The following XDH variants were observed in gnomAD, a reference collection of about 807,000 sequenced individuals.
XDH encodes xanthine dehydrogenase/oxidase.
XDH carries 138 observed loss-of-function variants against 156.1 expected under a neutral mutation model. The ratio of observed to expected loss-of-function variants is 0.88; its 90% CI spans 0.77 to 1.02. The LOEUF (loss-of-function observed/expected upper bound fraction) is 1.02, where lower values mean the gene tolerates loss of function less well. Ranked by LOEUF, XDH falls within the 50% of genes least tolerant of loss-of-function variation. The pLI, the probability that XDH is intolerant of heterozygous loss-of-function variation, is 0.00. For missense variants in XDH, 1,849 were observed against 1,684.9 expected (o/e 1.10, Z -1.71); for synonymous variants, 669 against 625.7 (o/e 1.07, Z -1.03).
At position 31,366,116 on chromosome 2, in the gene XDH, G is replaced by T. The variant is rs184028363; in HGVS notation, c.2323-7C>A. The T allele has an allele frequency of 6.2e-7, 1 of 1,614,236 alleles. No homozygotes were observed. The highest frequency in any genetic ancestry group is 8.5e-7 in the Non-Finnish European group (1 of 1,180,050). On this transcript the variant is annotated splice_polypyrimidine_tract_variant and splice_region_variant and intron_variant, in intron 21 of 35. Coordinates refer to ENST00000379416, the MANE Select transcript of XDH (RefSeq NM_000379.4). ...ACATTTTTGCAACAAAGCTCTGTGAGTGAAAGACAGAACATTCGCACTGAA... is the reference window on the plus strand; with the variant it reads ...ACATTTTTGCAACAAAGCTCTGTGATTGAAAGACAGAACATTCGCACTGAA...
At chr2:31,366,786 C>T in intron 21 of XDH, 84 bp downstream of exon 21, 3 of 1,607,870 alleles carry the variant, frequency 1.9e-6, no homozygotes, top group Non-Finnish European at 2.5e-6. Context: ...TCTCCCTCTT[C>T]CTATTTCCCA....
At chr2:31,409,689 C>A (rs1337310274) in intron 1 of XDH, among the ~76,000 whole-genome samples, 2 of 152,212 alleles carry the variant, frequency 1.3e-5, no homozygotes, top group Non-Finnish European at 2.9e-5. Flanking sequence ...GATTTCACCT[C>A]ATACCCATTA....
intron 24 of XDH, among the ~76,000 whole-genome samples, chr2:31,353,110 G>A (rs998079943): frequency 6.6e-6 from 1 of 151,568 alleles, no homozygotes; most frequent in Admixed American, 6.6e-5. Flanking sequence ...GTAAAAAGTG[G>A]TACCACCAAA....
chr2:31,368,151 ACTCT>A, intron 19 of XDH, 94 bp from the exon 20 acceptor site: 1 of 1,143,890 alleles, frequency 8.7e-7, no homozygotes, highest in South Asian at 1.2e-5. Flanking sequence ...TGAATTGTTG[ACTCT>A]CTCTTTCCAT....
chr2:31,414,392 C>A (rs546055612), intron 1 of XDH, among the ~76,000 whole-genome samples: 14 of 151,752 alleles, frequency 9.2e-5, no homozygotes, highest in Admixed American at 6.6e-4. Context: ...TCTCTGCTTG[C>A]CTCTCTCTCC....
intron 24 of XDH, among the ~76,000 whole-genome samples, chr2:31,363,804 CTA>C (rs1369394716): frequency 6.6e-6 from 1 of 151,890 alleles, no homozygotes; most frequent in Non-Finnish European, 1.5e-5. Context: ...TCCACGCATG[CTA>C]TATATAGTAA....
At chr2:31,386,583 T>A (rs1572554439) in intron 8 of XDH, 28 bp from the exon 9 acceptor site, 1 of 1,614,020 alleles carries the variant, frequency 6.2e-7, no homozygotes, top group Non-Finnish European at 8.5e-7. Context: ...CTTACTACAC[T>A]GTCTCCCTCT....
chr2:31,375,461 G>T lies in XDH; in HGVS notation c.1521C>A (p.Phe507Leu), dbSNP rs745469918. ...AGAAGCTGAGGGTGAGGGTGCACCG[G>T]AAGTCCACCATGCCACCAGGGGCAT... ...PPDAPGGMVD[F>L]RCTLTLSFFF... Residue 507 changes from phenylalanine (F) to leucine (L), a missense_variant, in exon 15 of 36, where the codon TTC (phenylalanine) becomes TTA (leucine). Phe to Leu is a conservative substitution (Grantham distance 22). Transcript: ENST00000379416. 1 of 1,614,086 alleles carries T rather than the reference G, an allele frequency of 6.2e-7. No individual in the cohort carries two copies. The highest frequency in any genetic ancestry group is 8.5e-7 in the Non-Finnish European group (1 of 1,180,046).
chr2:31,362,442 G>T (rs556821780), intron 24 of XDH, among the ~76,000 whole-genome samples: 2 of 152,274 alleles, frequency 1.3e-5, no homozygotes, highest in East Asian at 3.9e-4. Context: ...GCCTATTAAA[G>T]TTCTTACTAA....
intron 32 of XDH, 143 bp from the exon 33 acceptor site, chr2:31,341,537 G>T: frequency 1.1e-6 from 1 of 883,654 alleles, no homozygotes; most frequent in Non-Finnish European, 1.8e-6. Flanking sequence ...TGCTCAGGCA[G>T]AAGTGTTGAT....
At position 31,386,433 on chromosome 2, in the gene XDH, G is replaced by A. The variant is rs756056728; in HGVS notation, c.774C>T (p.Val258=). The stretch of plus-strand genomic sequence containing the variant: ...CCTTACCAATCTCCGTGTTCCCCAC[G>A]ACCAGCTTGGCGTCAGGGTGCTGAG... ...LKAQHPDAKL[V]VGNTEIGIEM... The change falls in exon 9 of 36, where the codon GTC becomes GTT. Residue 258 remains valine (V), a synonymous_variant. Coordinates refer to ENST00000379416, the MANE Select transcript of XDH (RefSeq NM_000379.4). The A allele has an allele frequency of 2.0e-5, 32 of 1,613,470 alleles. No homozygotes were observed. The highest frequency in any genetic ancestry group is 2.2e-5 in the East Asian group (1 of 44,866).
chr2:31,400,629 G>A lies in XDH; in HGVS notation c.306+591C>T, dbSNP rs45468795. Among the ~76,000 whole-genome samples, 405 of 152,200 alleles carry A rather than the reference G, an allele frequency of 2.7e-3. 1 individual carries two copies. The highest frequency in any genetic ancestry group is 9.3e-3 in the African/African-American group (386 of 41,506). On this transcript the variant is annotated intron_variant, in intron 4 of 35. Transcript: ENST00000379416. Reference sequence around the variant, plus strand: ...TGCCCATTTGCCCCAGAAATGTTTCGGATTTCAATGCATTTTCAGGTGGTC... The same window carrying A: ...TGCCCATTTGCCCCAGAAATGTTTCAGATTTCAATGCATTTTCAGGTGGTC...
rs749077616 is a variant in XDH at position 31,372,367 on chromosome 2, T to C, written c.1717A>G (p.Met573Val). ...EVPKGQSEEDMVGRPLPHLAA... is the reference protein window; with the variant it reads ...EVPKGQSEEDVVGRPLPHLAA... ...AGGTGGGGCAGGGGCCGGCCCACCA[T>C]GTCCTCCTCAGACTGACCCTTGGGC... The change falls in exon 17 of 36, where the codon ATG (methionine) becomes GTG (valine). Residue 573 changes from methionine (M) to valine (V), a missense_variant. By Grantham distance (21) the Met-to-Val change is conservative. Transcript: ENST00000379416. 1.9e-6 allele frequency: 3 copies of C among 1,613,998 alleles called. No individual in the cohort carries two copies. The highest frequency in any genetic ancestry group is 1.7e-5 in the Admixed American group (1 of 60,010).
chr2:31,340,772 A>G (rs932515164), intron 33 of XDH, among the ~76,000 whole-genome samples: 1 of 152,034 alleles, frequency 6.6e-6, no homozygotes, highest in African/African-American at 2.4e-5. Flanking sequence ...TCCCAGCCCT[A>G]TTTCACCTAT....
At chr2:31,409,199 A>G (rs1281532185) in intron 1 of XDH, among the ~76,000 whole-genome samples, 1 of 152,224 alleles carries the variant, frequency 6.6e-6, no homozygotes, top group East Asian at 1.9e-4. Context: ...AAAAATAGAA[A>G]GAATGAAAAA....
intron 1 of XDH, among the ~76,000 whole-genome samples, chr2:31,411,220 G>T (rs776298129): frequency 2.0e-5 from 3 of 150,918 alleles, no homozygotes; most frequent in Non-Finnish European, 2.9e-5. Flanking sequence ...CGGCAAGGTT[G>T]CAGTGAGCCG....
At chr2:31,355,951 C>T (rs1685612512) in intron 24 of XDH, among the ~76,000 whole-genome samples, 1 of 151,986 alleles carries the variant, frequency 6.6e-6, no homozygotes, top group Admixed American at 6.6e-5. Context: ...AAACATTAAT[C>T]AAAAGAAAGC....
Position 31,339,601 on chromosome 2 carries a change from T to G in XDH, c.3662A>C (p.His1221Pro), listed in dbSNP as rs376191022. Residue 1221 changes from histidine (H) to proline (P), a missense_variant, in exon 34 of 36, where the codon CAC (histidine) becomes CCC (proline). Transcript: ENST00000379416. ...CTTGTAGGTGCTAGGGCCACGGGTG[T>G]GCAGGCTCCCCTCGGGGGAATAGTG... is the stretch of plus-strand genomic sequence containing the variant. ...ELHYSPEGSL[H>P]TRGPSTYKIP... 6.2e-7 allele frequency: 1 copy of G among 1,614,004 alleles called. No individual in the cohort carries two copies. Among genetic ancestry groups the G allele is most frequent in the African/African-American group, 1.3e-5 (1 of 74,904 alleles).
intron 15 of XDH, 96 bp from the exon 16 acceptor site, chr2:31,374,052 C>T: frequency 8.1e-7 from 1 of 1,241,878 alleles, no homozygotes; most frequent in Non-Finnish European, 1.1e-6. Context: ...GATAACTGAT[C>T]CCCTTGTCTC....
Sources: gnomAD v4.1 joint callset for allele counts (sites outside exome capture counted in the v4.1 genomes callset) on GRCh38, gnomAD v4.1.1 for gene constraint, MANE v1.5 for transcripts, NCBI Gene and HGNC (gene_info 2026-07-23, HGNC 2026-07-21) for gene names.